Variants in DNAH9 observed in about 807,000 individuals in gnomAD.
DNAH9 encodes DNAH9 variant protein.
A neutral mutation model predicts 471.6 loss-of-function variants in DNAH9; 345 were observed. The ratio of observed to expected loss-of-function variants is 0.73; its 90% confidence interval spans 0.67 to 0.80. The LOEUF is 0.80. DNAH9 is among the 30% of genes least tolerant of loss of function. The pLI, the probability that DNAH9 is intolerant of heterozygous loss-of-function variation, is 0.00. For missense variants in DNAH9, 5,407 were observed against 5,609.2 expected (o/e 0.96, Z 1.15); for synonymous variants, 2,093 against 2,123.6 (o/e 0.99, Z 0.40).
intron 4 of DNAH9, among the ~76,000 whole-genome samples, chr17:11,616,549 C>A (rs2072748454): frequency 6.6e-6 from 1 of 152,168 alleles, no homozygotes; most frequent in African/African-American, 2.4e-5. Flanking sequence ...GTGTCAGTCA[C>A]CACAAGACGA....
At chr17:11,618,481 G>C (rs1341379204) in intron 5 of DNAH9, among the ~76,000 whole-genome samples, 1 of 151,876 alleles carries the variant, frequency 6.6e-6, no homozygotes, top group African/African-American at 2.4e-5. Flanking sequence ...AGCTACTTGG[G>C]AGGCTGAGGC....
intron 15 of DNAH9, among the ~76,000 whole-genome samples, chr17:11,666,419 ATGGAGAGAAGAGATGGCAGTCT>A (rs2073869221): frequency 6.6e-6 from 1 of 152,136 alleles, no homozygotes; most frequent in South Asian, 2.1e-4. Context: ...GGACCAGGGG[ATGGAGAGAAGAGATGGCAGTCT>A]TTCTCCAAGA....
At chr17:11,769,403 C>A (rs1241040917) in intron 38 of DNAH9, 74 bp downstream of exon 38, 3 of 1,361,044 alleles carry the variant, frequency 2.2e-6, no homozygotes, top group Non-Finnish European at 3.0e-6. Context: ...TGAAGCCAAG[C>A]GTCAGGTGCC....
chr17:11,598,525 G>C lies in DNAH9; in HGVS notation c.27G>C (p.Ala9=). The C allele has an allele frequency of 7.2e-7, 1 of 1,394,480 alleles. No individual in the cohort carries two copies. The allele number at this position is 1,394,480 out of a possible 1,614,324, so 86.4% of individuals were successfully genotyped here. A position where few individuals can be genotyped will look rare whatever the true frequency, so the allele number is the denominator to read the frequency against. MRLAEERA[A]LAAENADGEP... ...TGCGGCTCGCGGAGGAGCGGGCCGC[G>C]CTCGCGGCGGAGAACGCGGATGGGG... The change falls in exon 1 of 69, where the codon GCG becomes GCC. Residue 9 remains alanine, a synonymous_variant. Coordinates refer to ENST00000262442, the MANE Select transcript of DNAH9 (RefSeq NM_001372.4).
Position 11,929,943 on chromosome 17 carries a change from G to T in DNAH9, c.11955G>T (p.Glu3985Asp), listed in dbSNP as rs774679877. Reference protein sequence around the residue: ...LEEHSENSHPEFRVFMSAEPA... With the variant: ...LEEHSENSHPDFRVFMSAEPA... ...AGCACAGTGAGAACAGCCACCCAGA[G>T]TTCAGGGTCTTCATGAGTGCAGAGC... The change falls in exon 63 of 69, where the codon GAG (glutamate) becomes GAT (aspartate). Residue 3985 changes from glutamate (E) to aspartate (D), a missense_variant. Glu to Asp is a conservative substitution (Grantham distance 45, BLOSUM62 2). This residue lies in a region of DNAH9 where 4,636 missense variants were observed against 4,900.3 expected (regional missense o/e 0.95). Coordinates refer to ENST00000262442, the MANE Select transcript of DNAH9 (RefSeq NM_001372.4). 2.5e-6 allele frequency: 4 copies of T among 1,613,940 alleles called. No individual in the cohort carries two copies. The highest frequency in any genetic ancestry group is 3.4e-6 in the Non-Finnish European group (4 of 1,180,004).
intron 1 of DNAH9, among the ~76,000 whole-genome samples, chr17:11,607,341 A>AT (rs1238420710): frequency 6.6e-6 from 1 of 152,196 alleles, no homozygotes; most frequent in African/African-American, 2.4e-5. Flanking sequence ...ACACTGAGCC[A>AT]TGCAGGCCAC....
chr17:11,621,339 T>C (rs1597397323), intron 6 of DNAH9, among the ~76,000 whole-genome samples: 1 of 130,784 alleles, frequency 7.6e-6, no homozygotes, highest in Admixed American at 9.4e-5. Flanking sequence ...ACTCGGGAGG[T>C]AGAGGTTGCA....
chr17:11,746,949 A>G (rs1048842328), intron 31 of DNAH9, among the ~76,000 whole-genome samples: 8 of 152,248 alleles, frequency 5.3e-5, no homozygotes, highest in Non-Finnish European at 1.0e-4. Context: ...AAAAAAATCA[A>G]GAATCAAGAA....
chr17:11,834,328 C>CAA (rs762924565), intron 48 of DNAH9, among the ~76,000 whole-genome samples: 3,160 of 77,266 alleles, frequency 0.041, 262 homozygotes, highest in Middle Eastern at 0.071. Context: ...GACTCCGTCT[C>CAA]AAAAAAAAAA....
intron 62 of DNAH9, chr17:11,925,342 A>G: frequency 2.9e-6 from 1 of 344,916 alleles, no homozygotes; most frequent in Non-Finnish European, 5.8e-6. Context: ...CCATCTCCTG[A>G]TTACTGGTGA....
chr17:11,860,095 T>C (rs1016210900), intron 50 of DNAH9, among the ~76,000 whole-genome samples: 1 of 152,232 alleles, frequency 6.6e-6, no homozygotes, highest in South Asian at 2.1e-4. Context: ...GCTCTGTCCA[T>C]AGACTGATCT....
chr17:11,855,710 C>T (rs964939557), intron 50 of DNAH9, among the ~76,000 whole-genome samples: 1 of 152,190 alleles, frequency 6.6e-6, no homozygotes, highest in Non-Finnish European at 1.5e-5. Context: ...GAATTACTTA[C>T]TTTCATATGC....
chr17:11,918,217 T>TTTGTA (rs1163093007), intron 61 of DNAH9, among the ~76,000 whole-genome samples: 1 of 141,236 alleles, frequency 7.1e-6, no homozygotes, highest in Admixed American at 7.4e-5. Flanking sequence ...TTTGTTTTGT[T>TTTGTA]TTGTTTTGTT....
Position 11,793,585 on chromosome 17 carries a change from A to C in DNAH9, c.8144A>C (p.Tyr2715Ser), listed in dbSNP as rs1279008543. The change falls in exon 42 of 69, where the codon TAT (tyrosine) becomes TCT (serine). Residue 2715 changes from tyrosine to serine, a missense_variant. Transcript: ENST00000262442. ...TATCTGCATGAATCAAATCGAGTTT[A>C]TCGGGATAAGATGGTAGAAGAAAAG... The part of the protein sequence containing the change: ...RLYLHESNRV[Y>S]RDKMVEEKDF... 6.2e-7 allele frequency: 1 copy of C among 1,613,938 alleles called. No individual in the cohort carries two copies. Among genetic ancestry groups the C allele is most frequent in the Non-Finnish European group, 8.5e-7 (1 of 1,179,940 alleles).
chr17:11,724,918 C>T (rs2075126213), intron 27 of DNAH9, among the ~76,000 whole-genome samples: 1 of 152,154 alleles, frequency 6.6e-6, no homozygotes, highest in African/African-American at 2.4e-5. Flanking sequence ...TCTTCTCTTC[C>T]TTCAACTAGT....
chr17:11,616,685 T>A (rs923319247), intron 4 of DNAH9, among the ~76,000 whole-genome samples: 1 of 152,206 alleles, frequency 6.6e-6, no homozygotes, highest in African/African-American at 2.4e-5. Flanking sequence ...CTCTGTGACT[T>A]TTTTAAAAAA....
chr17:11,696,805 T>C (rs2074485092), intron 22 of DNAH9, among the ~76,000 whole-genome samples: 1 of 152,226 alleles, frequency 6.6e-6, no homozygotes, highest in South Asian at 2.1e-4. Context: ...GTATTATAAC[T>C]GTATTTTTAT....
Position 11,822,032 on chromosome 17 carries a change from C to T in DNAH9, c.8820C>T (p.Phe2940=). The part of the protein sequence containing the change: ...LVDNRENCWK[F]FIDRIRRQLK... The stretch of plus-strand genomic sequence containing the variant: ...ACAACAGAGAGAACTGTTGGAAGTT[C>T]TTTATAGATCGGATCCGGCGACAGC... The change falls in exon 46 of 69, where the codon TTC becomes TTT. Residue 2940 remains phenylalanine, a synonymous_variant. Coordinates refer to ENST00000262442, the MANE Select transcript of DNAH9 (RefSeq NM_001372.4). 6.2e-7 allele frequency: 1 copy of T among 1,613,884 alleles called. No individual in the cohort carries two copies. Among genetic ancestry groups the T allele is most frequent in the East Asian group, 2.2e-5 (1 of 44,882 alleles).
At position 11,598,658 on chromosome 17, in the gene DNAH9, C is replaced by G; in HGVS notation, c.160C>G (p.Gln54Glu). Residue 54 changes from glutamine to glutamate, a missense_variant, in exon 1 of 69, where the codon CAG (glutamine) becomes GAG (glutamate). By Grantham distance (29) the Gln-to-Glu change is conservative (BLOSUM62 2). Transcript: ENST00000262442. ...TTGCGCGGGGAGTGCTGAGGCGGAGCAGCTGCTCCAGGCCTTCCTGGGCCG... is the reference window on the plus strand; with the variant it reads ...TTGCGCGGGGAGTGCTGAGGCGGAGGAGCTGCTCCAGGCCTTCCTGGGCCG... ...ERCAGSAEAE[Q>E]LLQAFLGRDA... The G allele has an allele frequency of 7.4e-7, 1 of 1,355,810 alleles. No homozygotes were observed. The highest frequency in any genetic ancestry group is 9.4e-7 in the Non-Finnish European group (1 of 1,059,836). The allele number at this position is 1,355,810 out of a possible 1,614,324, so 84.0% of individuals were successfully genotyped here.
Sources: allele counts gnomAD v4.1 joint callset (sites outside exome capture counted in the v4.1 genomes callset), GRCh38; gene constraint gnomAD v4.1.1; regional missense constraint gnomAD v4.1.1; transcripts MANE v1.5; gene names NCBI Gene and HGNC (gene_info 2026-07-23, HGNC 2026-07-21).